Variants in TRDN observed in about 807,000 individuals in gnomAD.
TRDN encodes the protein triadin, also known as triadin in skeletal muscle.
In TRDN, 161 loss-of-function variants were observed where a neutral mutation model predicts 149.7. The observed-to-expected ratio is 1.08, with a 90% CI of 0.95 to 1.23. The LOEUF is 1.23. Among genes scored for constraint, TRDN ranks in the 50% most tolerant of loss-of-function variants. TRDN has a pLI of 0.00. For missense variants in TRDN, 896 were observed against 823.5 expected, an observed-to-expected ratio of 1.09 and a Z score of -1.08; for synonymous variants, 294 against 250.5, an observed-to-expected ratio of 1.17 and a Z score of -1.64.
In TRDN at chr6:123,337,612, C is replaced by CT; in HGVS notation, c.1420+6dup. ...TTTGTAATATTATATTAAATTAACTCTGTTACCTTTATCTTTCAGAATTGA... is the reference window on the plus strand; with the variant it reads ...TTTGTAATATTATATTAAATTAACTCTTGTTACCTTTATCTTTCAGAATTGA... On this transcript the variant is annotated splice_region_variant and intron_variant, in intron 22 of 40. Coordinates refer to ENST00000334268, the MANE Select transcript of TRDN (RefSeq NM_006073.4). The CT allele has an allele frequency of 3.0e-6, 4 of 1,326,216 alleles. No individual in the cohort carries two copies. Among genetic ancestry groups the CT allele is most frequent in the Non-Finnish European group, 4.1e-6 (4 of 977,446 alleles). The allele number at this position is 1,326,216 out of a possible 1,614,324, so 82.2% of individuals were successfully genotyped here.
intron 7 of TRDN, among the ~76,000 whole-genome samples, chr6:123,507,836 G>A (rs557887003): frequency 6.6e-6 from 1 of 152,236 alleles, no homozygotes; most frequent in East Asian, 1.9e-4. Context: ...TACTGCATCA[G>A]ATTCAGAATG....
At chr6:123,316,587 G>C in intron 23 of TRDN, 92 bp from the exon 24 acceptor site, 1 of 1,038,870 alleles carries the variant, frequency 9.6e-7, no homozygotes, top group Non-Finnish European at 1.4e-6. Context: ...TAATAGGTAG[G>C]CTTCACTGAT....
chr6:123,237,247 C>T (rs1180820843), intron 38 of TRDN, among the ~76,000 whole-genome samples: 2 of 151,520 alleles, frequency 1.3e-5, no homozygotes, highest in Non-Finnish European at 2.9e-5. Context: ...AACTTTATAC[C>T]CTACTACTTT....
intron 12 of TRDN, among the ~76,000 whole-genome samples, chr6:123,431,708 A>G (rs1194590646): frequency 6.6e-6 from 1 of 152,210 alleles, no homozygotes; most frequent in East Asian, 1.9e-4. Flanking sequence ...TTGTCCAATT[A>G]TAAATGTACA....
At chr6:123,285,708 ACTT>A (rs1243525070) in intron 24 of TRDN, among the ~76,000 whole-genome samples, 1 of 152,032 alleles carries the variant, frequency 6.6e-6, no homozygotes, top group East Asian at 1.9e-4. Context: ...AAACTAAAGA[ACTT>A]CTGCACAGCA....
At chr6:123,602,775 T>C (rs1784337133) in intron 1 of TRDN, among the ~76,000 whole-genome samples, 2 of 152,060 alleles carry the variant, frequency 1.3e-5, no homozygotes, top group Admixed American at 1.3e-4. Flanking sequence ...GAGCACCTTT[T>C]AAAAGGAAGC....
chr6:123,324,605 A>G (rs1191386940), intron 23 of TRDN, among the ~76,000 whole-genome samples: 1 of 152,176 alleles, frequency 6.6e-6, no homozygotes, highest in African/African-American at 2.4e-5. Flanking sequence ...TGCCTTTTGA[A>G]TGAGGGCTGA....
At chr6:123,323,855 T>C (rs1368810968) in intron 23 of TRDN, among the ~76,000 whole-genome samples, 2 of 152,250 alleles carry the variant, frequency 1.3e-5, no homozygotes, top group Non-Finnish European at 1.5e-5. Context: ...TGCCTACTTA[T>C]ATGCTCCTCA....
At chr6:123,535,739 A>G (rs988468557) in intron 4 of TRDN, among the ~76,000 whole-genome samples, 5 of 152,184 alleles carry the variant, frequency 3.3e-5, no homozygotes, top group Non-Finnish European at 7.3e-5. Flanking sequence ...AATAAAAACT[A>G]GTCACATTTT....
Position 123,414,628 on chromosome 6 carries a change from G to A in TRDN, c.1052-20951C>T, listed in dbSNP as rs191495700. ...GTTCCCAATCAAGAACTTGGAAGCA[G>A]GAAAATGGAATTGCCATTCTGAGAG... On this transcript the variant is annotated intron_variant, in intron 12 of 40. Coordinates refer to ENST00000334268, the MANE Select transcript of TRDN (RefSeq NM_006073.4). Among the ~76,000 whole-genome samples the A allele has an allele frequency of 1.4e-3, 210 of 152,138 alleles. 2 individuals carry two copies. Among genetic ancestry groups the A allele is most frequent in the African/African-American group, 4.8e-3 (199 of 41,544 alleles).
intron 1 of TRDN, among the ~76,000 whole-genome samples, chr6:123,583,666 A>C (rs560464661): frequency 6.6e-6 from 1 of 152,184 alleles, no homozygotes; most frequent in South Asian, 2.1e-4. Flanking sequence ...CTGAGGAATT[A>C]TGTCTGACAG....
At chr6:123,344,173 C>G (rs551486077) in intron 21 of TRDN, among the ~76,000 whole-genome samples, 18 of 151,996 alleles carry the variant, frequency 1.2e-4, no homozygotes, top group African/African-American at 4.3e-4. Flanking sequence ...TATAGCAGCC[C>G]AAACTAATAC....
chr6:123,593,543 T>C (rs1047094169), intron 1 of TRDN, among the ~76,000 whole-genome samples: 1 of 152,230 alleles, frequency 6.6e-6, no homozygotes, highest in Non-Finnish European at 1.5e-5. Flanking sequence ...GATAGGGTTC[T>C]TTCTGAGGCC....
At chr6:123,388,376 G>T in intron 14 of TRDN, 146 bp downstream of exon 14, 1 of 871,624 alleles carries the variant, frequency 1.1e-6, no homozygotes, top group South Asian at 1.6e-5. Flanking sequence ...AGGTGAAGTA[G>T]AAAAAGCACA....
Position 123,222,087 on chromosome 6 carries a change from A to ATTTC in TRDN, c.2015-569_2015-566dup, listed in dbSNP as rs2114499929. ...ATGTAGTGTTGCATAGCTTGAAACT[A>ATTTC]TTTCTTTGAATCCCTTTCTTCCGAT... is the stretch of plus-strand genomic sequence containing the variant. On this transcript the variant is annotated intron_variant, in intron 39 of 40. Coordinates refer to ENST00000334268, the MANE Select transcript of TRDN (RefSeq NM_006073.4). Among the ~76,000 whole-genome samples the ATTTC allele has an allele frequency of 2.0e-5, 3 of 151,740 alleles. 1 individual carries two copies. In the South Asian group the frequency reaches 6.2e-4, roughly 31 times the overall value.
chr6:123,453,034 T>C (rs1718342742), intron 10 of TRDN, among the ~76,000 whole-genome samples: 2 of 152,112 alleles, frequency 1.3e-5, no homozygotes, highest in South Asian at 4.1e-4. Context: ...GGTGCTGGGA[T>C]AATTGGCTAG....
intron 11 of TRDN, among the ~76,000 whole-genome samples, chr6:123,438,719 A>T (rs924160643): frequency 6.6e-6 from 1 of 152,166 alleles, no homozygotes; most frequent in Non-Finnish European, 1.5e-5. Flanking sequence ...AGAAAAAATA[A>T]TCACAGTAGT....
intron 9 of TRDN, among the ~76,000 whole-genome samples, chr6:123,483,159 G>A (rs772739123): frequency 6.6e-5 from 10 of 150,600 alleles, no homozygotes; most frequent in Non-Finnish European, 1.3e-4. Context: ...CTGGAGTGAA[G>A]TGGCACGATC....
At position 123,438,154 on chromosome 6, in the gene TRDN, T is replaced by C. The variant is rs1489419544; in HGVS notation, c.992-32A>G. The C allele has an allele frequency of 2.0e-6, 3 of 1,507,442 alleles. No homozygotes were observed. The African/African-American group carries it at 4.2e-5, about 21-fold the overall frequency. The allele number at this position is 1,507,442 out of a possible 1,614,324, so 93.4% of individuals were successfully genotyped here. A position where few individuals can be genotyped will look rare whatever the true frequency, so the allele number is the denominator to read the frequency against. ...GTAAAATAAGAAAGTTATAAGCCTT[T>C]ACCTGTTTAACTTGCAAATATTTCA... On this transcript the variant is annotated intron_variant, in intron 11 of 40. Transcript: ENST00000334268.
Sources: allele counts gnomAD v4.1 joint callset (sites outside exome capture counted in the v4.1 genomes callset), GRCh38; gene constraint gnomAD v4.1.1; transcripts MANE v1.5; gene names NCBI Gene and HGNC (gene_info 2026-07-23, HGNC 2026-07-21).